SIPA1L1: variants seen among roughly 807,000 people sequenced by gnomAD.
SIPA1L1 encodes signal-induced proliferation-associated 1-like protein 1.
In SIPA1L1, 26 loss-of-function variants were observed where a neutral mutation model predicts 162.7. That is an observed-to-expected ratio of 0.16 (90% CI 0.12 to 0.22). The LOEUF (loss-of-function observed/expected upper bound fraction) is 0.22, where lower values mean the gene tolerates loss of function less well. Ranked by LOEUF, SIPA1L1 falls within the 10% of genes least tolerant of loss-of-function variation. The probability of loss-of-function intolerance (pLI) is 1.00; values close to 1 mark genes in which losing one functional copy is unlikely to be tolerated. For missense variants in SIPA1L1, 1,874 were observed against 2,241.0 expected (o/e 0.84, Z 3.31); for synonymous variants, 829 against 837.4 (o/e 0.99, Z 0.17).
At chr14:71,562,153 C>G (rs919519752) in intron 4 of SIPA1L1, among the ~76,000 whole-genome samples, 5 of 151,420 alleles carry the variant, frequency 3.3e-5, no homozygotes, top group Admixed American at 6.6e-5. Context: ...ATCTATGTGC[C>G]TGATAGTGCA....
At chr14:71,468,003 GGGGTGT>G (rs2047146203) in intron 2 of SIPA1L1, among the ~76,000 whole-genome samples, 1 of 127,634 alleles carries the variant, frequency 7.8e-6, no homozygotes, top group Admixed American at 8.4e-5. Context: ...AGCAGTTAGA[GGGGTGT>G]GTGTGTGTGT....
intron 22 of SIPA1L1, 50 bp from the exon 23 acceptor site, chr14:71,738,190 AC>A: frequency 3.1e-5 from 29 of 939,972 alleles, no homozygotes; most frequent in South Asian, 5.1e-5. Context: ...AAAAAAACAA[AC>A]CCAGCCATGG....
chr14:71,343,129 G>T (rs555477815), intron 2 of SIPA1L1, among the ~76,000 whole-genome samples: 1 of 152,134 alleles, frequency 6.6e-6, no homozygotes, highest in South Asian at 2.1e-4. Context: ...TTGACTTCAC[G>T]TTACAGACTT....
At chr14:71,475,298 T>G (rs2047758224) in intron 2 of SIPA1L1, among the ~76,000 whole-genome samples, 1 of 152,254 alleles carries the variant, frequency 6.6e-6, no homozygotes, top group Non-Finnish European at 1.5e-5. Flanking sequence ...TCCAGCAAGC[T>G]AAACACATCA....
intron 2 of SIPA1L1, among the ~76,000 whole-genome samples, chr14:71,472,022 G>T (rs1381307267): frequency 6.6e-6 from 1 of 151,806 alleles, no homozygotes; most frequent in Non-Finnish European, 1.5e-5. Context: ...TACACGTAAG[G>T]GTTAATAAAT....
chr14:71,610,695 A>G (rs746312931), intron 5 of SIPA1L1, among the ~76,000 whole-genome samples: 2 of 152,172 alleles, frequency 1.3e-5, no homozygotes, highest in Non-Finnish European at 2.9e-5. Flanking sequence ...TTTGTTTTAA[A>G]TAGGGTTTTC....
intron 5 of SIPA1L1, among the ~76,000 whole-genome samples, chr14:71,597,226 C>T (rs974817587): frequency 6.6e-6 from 1 of 152,114 alleles, no homozygotes; most frequent in Non-Finnish European, 1.5e-5. Flanking sequence ...AAGCAATCCT[C>T]CCACCTCAGC....
At position 71,349,301 on chromosome 14, in the gene SIPA1L1, G is replaced by A. The variant is rs564453589; in HGVS notation, c.-465+28120G>A. 8.5e-5 allele frequency among the ~76,000 whole-genome samples: 13 copies of A among 152,318 alleles called. No individual in the cohort carries two copies. The East Asian group carries it at 1.7e-3, about 20-fold the overall frequency. ...GTTGAGCATTACTTTTCTGCTGGGT[G>A]TGGGGCAGAACCCTTCTGGAATAAG... is the stretch of plus-strand genomic sequence containing the variant. On this transcript the variant is annotated intron_variant, in intron 2 of 23. Coordinates refer to ENST00000381232, the MANE Select transcript of SIPA1L1 (RefSeq NM_001386936.1).
rs74060376 is a variant in SIPA1L1, at chr14:71,585,463, G to T, written c.-302-2108G>T. ...TAAAAATATTGGAAGTATATGAGATGGTTTGGAAGAGAAATACTGATGGTG... is the reference window on the plus strand; with the variant it reads ...TAAAAATATTGGAAGTATATGAGATTGTTTGGAAGAGAAATACTGATGGTG... On this transcript the variant is annotated intron_variant, in intron 4 of 23. Transcript: ENST00000381232. 5.7e-3 allele frequency among the ~76,000 whole-genome samples: 872 copies of T among 152,258 alleles called. 10 individuals carry two copies. The highest frequency in any genetic ancestry group is 0.02 in the African/African-American group (844 of 41,554).
intron 4 of SIPA1L1, among the ~76,000 whole-genome samples, chr14:71,542,567 T>TCC: frequency 7.1e-6 from 1 of 140,992 alleles, no homozygotes; most frequent in East Asian, 2.2e-4. Context: ...CTCTTCCTCC[T>TCC]TCTCTTCCTC....
chr14:71,365,946 G>A (rs2038252344), intron 2 of SIPA1L1, among the ~76,000 whole-genome samples: 1 of 141,872 alleles, frequency 7.0e-6, no homozygotes, highest in Non-Finnish European at 1.5e-5. Context: ...GGCTGGTCTT[G>A]AACTCTTGGG....
intron 2 of SIPA1L1, among the ~76,000 whole-genome samples, chr14:71,491,605 G>A (rs2049259185): frequency 6.6e-6 from 1 of 151,892 alleles, no homozygotes; most frequent in Non-Finnish European, 1.5e-5. Flanking sequence ...TGCAATCATG[G>A]CTCACTGCAG....
chr14:71,481,025 C>A (rs2048315391), intron 2 of SIPA1L1, among the ~76,000 whole-genome samples: 1 of 152,222 alleles, frequency 6.6e-6, no homozygotes, highest in Non-Finnish European at 1.5e-5. Context: ...CACCTGTAGT[C>A]ATTCACTTTC....
Position 71,730,297 on chromosome 14 carries a change from G to C in SIPA1L1, c.4857G>C (p.Leu1619=). The change falls in exon 20 of 24, where the codon CTG becomes CTC. Residue 1619 remains leucine, a synonymous_variant. Coordinates refer to ENST00000381232, the MANE Select transcript of SIPA1L1 (RefSeq NM_001386936.1). ...CTTACACCTTAGGAATGAAATCGCT[G>C]CATGGTAAGTGGTCTTTCAGCTGCA... ...RPSYTLGMKS[L]HGEFSASDSS... The C allele has an allele frequency of 6.2e-7, 1 of 1,614,038 alleles. No individual in the cohort carries two copies. Among genetic ancestry groups the C allele is most frequent in the South Asian group, 1.1e-5 (1 of 91,072 alleles).
chr14:71,720,190 C>T (rs1260044050), intron 17 of SIPA1L1, among the ~76,000 whole-genome samples: 1 of 152,126 alleles, frequency 6.6e-6, no homozygotes, highest in African/African-American at 2.4e-5. Context: ...ATATCTTTCT[C>T]CAGGTTTGGA....
At chr14:71,512,432 CA>C (rs987200033) in intron 2 of SIPA1L1, among the ~76,000 whole-genome samples, 1 of 151,654 alleles carries the variant, frequency 6.6e-6, no homozygotes, top group African/African-American at 2.4e-5. Flanking sequence ...ACTAAAAATA[CA>C]AAAATTAGCT....
intron 7 of SIPA1L1, among the ~76,000 whole-genome samples, chr14:71,636,118 TTTAACATCTC>T (rs1389930726): frequency 6.6e-6 from 1 of 152,138 alleles, no homozygotes. Flanking sequence ...AGTTGGTGAT[TTTAACATCTC>T]TCCTTCAACA....
chr14:71,436,152 A>G (rs1456680901), intron 2 of SIPA1L1, among the ~76,000 whole-genome samples: 1 of 152,180 alleles, frequency 6.6e-6, no homozygotes, highest in African/African-American at 2.4e-5. Flanking sequence ...GACTCTGCCA[A>G]TTTATCTATG....
chr14:71,689,599 G>T (rs1418661547), intron 13 of SIPA1L1, among the ~76,000 whole-genome samples: 1 of 152,054 alleles, frequency 6.6e-6, no homozygotes, highest in Non-Finnish European at 1.5e-5. Flanking sequence ...CTATTTGAGG[G>T]GCTTTGGATA....
Sources: gnomAD v4.1 joint callset for allele counts (sites outside exome capture counted in the v4.1 genomes callset) on GRCh38, gnomAD v4.1.1 for gene constraint, MANE v1.5 for transcripts, NCBI Gene and HGNC (gene_info 2026-07-23, HGNC 2026-07-21) for gene names.